The following DCC variants were observed in gnomAD, a reference collection of about 807,000 sequenced individuals.
DCC encodes the protein netrin receptor DCC.
Under a neutral mutation model 172.5 loss-of-function variants are expected in DCC, and 58 were observed. That is an observed-to-expected ratio of 0.34 (90% CI 0.27 to 0.42). DCC has a LOEUF of 0.42. DCC is among the 10% of genes least tolerant of loss of function. The pLI is 1.00. For missense variants in DCC, 1,740 were observed against 1,791.0 expected, an observed-to-expected ratio of 0.97 and a Z score of 0.51; for synonymous variants, 709 against 644.5, an observed-to-expected ratio of 1.10 and a Z score of -1.52.
At chr18:53,172,028 A>G (rs1302456125) in intron 8 of DCC, among the ~76,000 whole-genome samples, 1 of 152,186 alleles carries the variant, frequency 6.6e-6, no homozygotes, top group African/African-American at 2.4e-5. Flanking sequence ...CAATCCTATT[A>G]ACTGGTATAT....
chr18:53,392,351 G>A (rs1220224878), intron 17 of DCC, among the ~76,000 whole-genome samples: 1 of 151,676 alleles, frequency 6.6e-6, no homozygotes, highest in Non-Finnish European at 1.5e-5. Flanking sequence ...TGTAACCTCA[G>A]CACTCTAAGC....
chr18:53,442,591 C>T (rs780057883), intron 22 of DCC, among the ~76,000 whole-genome samples: 20 of 152,134 alleles, frequency 1.3e-4, no homozygotes, highest in Admixed American at 5.9e-4. Context: ...TCTAAGTGTC[C>T]GGGTGGAAGG....
At chr18:52,938,457 C>G (rs1284540118) in intron 5 of DCC, among the ~76,000 whole-genome samples, 1 of 152,018 alleles carries the variant, frequency 6.6e-6, no homozygotes, top group African/African-American at 2.4e-5. Context: ...TAGAAATATA[C>G]ACTATTATTA....
intron 5 of DCC, among the ~76,000 whole-genome samples, chr18:52,999,946 G>A (rs2041538620): frequency 6.6e-6 from 1 of 151,998 alleles, no homozygotes; most frequent in African/African-American, 2.4e-5. Context: ...ACATAGCCAT[G>A]CAGGGAGAAG....
intron 1 of DCC, among the ~76,000 whole-genome samples, chr18:52,573,250 T>A (rs928411425): frequency 4.6e-5 from 7 of 151,916 alleles, no homozygotes; most frequent in South Asian, 4.1e-4. Flanking sequence ...AACATAAATT[T>A]AAAAAAAATA....
chr18:53,135,994 T>C (rs1242343299), intron 7 of DCC, among the ~76,000 whole-genome samples: 1 of 152,182 alleles, frequency 6.6e-6, no homozygotes, highest in East Asian at 1.9e-4. Flanking sequence ...TGTCAGTTAA[T>C]TACTGAGAGC....
intron 25 of DCC, among the ~76,000 whole-genome samples, chr18:53,476,446 T>C (rs1021704754): frequency 3.9e-5 from 6 of 152,158 alleles, no homozygotes; most frequent in Admixed American, 3.3e-4. Context: ...GTTCTCATGA[T>C]AGTGAATAAG....
chr18:53,248,518 T>C (rs141147523), intron 12 of DCC, among the ~76,000 whole-genome samples: 14 of 152,116 alleles, frequency 9.2e-5, no homozygotes, highest in African/African-American at 3.1e-4. Context: ...TTTGTGATCA[T>C]GAAGAAGGCC....
chr18:52,737,502 T>C (rs981377667), intron 1 of DCC, among the ~76,000 whole-genome samples: 2 of 152,188 alleles, frequency 1.3e-5, no homozygotes, highest in Non-Finnish European at 2.9e-5. Flanking sequence ...TCTCATCCTG[T>C]GGGAGCTTTT....
intron 5 of DCC, among the ~76,000 whole-genome samples, chr18:53,008,076 A>G (rs968005459): frequency 4.6e-5 from 7 of 152,170 alleles, no homozygotes; most frequent in African/African-American, 9.6e-5. Flanking sequence ...GCATAATATT[A>G]CTAAATAATG....
intron 12 of DCC, among the ~76,000 whole-genome samples, chr18:53,217,376 A>G (rs932526078): frequency 6.6e-6 from 1 of 151,850 alleles, no homozygotes; most frequent in African/African-American, 2.4e-5. Flanking sequence ...GCTTGCTTGC[A>G]GCAAGCAAAT....
chr18:53,137,292 A>G (rs1015891189), intron 7 of DCC, among the ~76,000 whole-genome samples: 4 of 152,176 alleles, frequency 2.6e-5, no homozygotes, highest in Non-Finnish European at 4.4e-5. Flanking sequence ...ATCCACTTCC[A>G]ATCTCTCAGA....
chr18:52,776,875 C>A (rs918477392), intron 2 of DCC, among the ~76,000 whole-genome samples: 1 of 152,046 alleles, frequency 6.6e-6, no homozygotes, highest in Non-Finnish European at 1.5e-5. Flanking sequence ...TTGTCAGATG[C>A]ACAAGGGCTC....
chr18:53,268,085 A>G (rs2056703315), intron 12 of DCC, among the ~76,000 whole-genome samples: 1 of 152,210 alleles, frequency 6.6e-6, no homozygotes, highest in South Asian at 2.1e-4. Context: ...TTTGATTTCC[A>G]CTTGAACACA....
At chr18:52,558,757 G>A (rs2032972727) in intron 1 of DCC, among the ~76,000 whole-genome samples, 1 of 152,090 alleles carries the variant, frequency 6.6e-6, no homozygotes, top group Non-Finnish European at 1.5e-5. Context: ...AAAACAAAGA[G>A]TGCATCTATA....
intron 2 of DCC, among the ~76,000 whole-genome samples, chr18:52,758,591 G>A (rs1274306423): frequency 2.0e-5 from 3 of 151,708 alleles, no homozygotes; most frequent in African/African-American, 7.3e-5. Flanking sequence ...ATTAGTGAAA[G>A]CATATTATGG....
intron 1 of DCC, among the ~76,000 whole-genome samples, chr18:52,742,707 C>T (rs561081979): frequency 6.6e-6 from 1 of 152,206 alleles, no homozygotes; most frequent in African/African-American, 2.4e-5. Flanking sequence ...CAAAGTGCTA[C>T]CATAAATGTG....
chr18:53,218,449 C>T (rs576760223), intron 12 of DCC, among the ~76,000 whole-genome samples: 1 of 152,156 alleles, frequency 6.6e-6, no homozygotes, highest in Admixed American at 6.6e-5. Context: ...GCAGAGAAGT[C>T]TTTACACATC....
chr18:53,087,684 A>G (rs1165044698), intron 7 of DCC, among the ~76,000 whole-genome samples: 1 of 151,778 alleles, frequency 6.6e-6, no homozygotes, highest in Non-Finnish European at 1.5e-5. Context: ...GCCCATGCCT[A>G]TGTCCTGAAT....
Sources: gnomAD v4.1 joint callset for allele counts (sites outside exome capture counted in the v4.1 genomes callset) on GRCh38, gnomAD v4.1.1 for gene constraint, MANE v1.5 for transcripts, NCBI Gene and HGNC (gene_info 2026-07-23, HGNC 2026-07-21) for gene names.